The following GRM7 variants were observed in gnomAD, a reference collection of about 807,000 sequenced individuals.
GRM7 encodes metabotropic glutamate receptor 7.
GRM7 carries 35 observed loss-of-function variants against 84.5 expected under a neutral mutation model. The ratio of observed to expected loss-of-function variants is 0.41; its 90% confidence interval spans 0.32 to 0.55. The LOEUF (loss-of-function observed/expected upper bound fraction) is 0.55, where lower values mean the gene tolerates loss of function less well. Among genes scored for constraint, GRM7 ranks in the 20% least tolerant of loss-of-function variants. The pLI is 0.19. For synonymous variants in GRM7, 487 were observed against 455.1 expected, an observed-to-expected ratio of 1.07 and a Z score of -0.89; for missense variants, 1,003 against 1,194.6, an observed-to-expected ratio of 0.84 and a Z score of 2.36.
intron 4 of GRM7, among the ~76,000 whole-genome samples, chr3:7,332,840 C>G (rs1701260976): frequency 6.6e-6 from 1 of 151,856 alleles, no homozygotes; most frequent in African/African-American, 2.4e-5. Context: ...TCTGAACTGC[C>G]TAACCCTGCC....
At chr3:7,316,071 C>T (rs1243605248) in intron 4 of GRM7, among the ~76,000 whole-genome samples, 1 of 152,026 alleles carries the variant, frequency 6.6e-6, no homozygotes, top group African/African-American at 2.4e-5. Flanking sequence ...AAGTATCTAT[C>T]AGGGAAAGAG....
At chr3:7,297,305 T>C (rs918471706) in intron 2 of GRM7, among the ~76,000 whole-genome samples, 1 of 152,202 alleles carries the variant, frequency 6.6e-6, no homozygotes, top group Non-Finnish European at 1.5e-5. Context: ...GAGATATTTT[T>C]ATCTTTCTGT....
rs757996221 is a variant in GRM7 at position 7,151,608 on chromosome 3, A to G, written c.736+4940A>G. Reference sequence around the variant, plus strand: ...GGCAAGGACATTTTCCTGTGTTTCTATTATCTAAGATAATTCCTAGTACAT... The same window carrying G: ...GGCAAGGACATTTTCCTGTGTTTCTGTTATCTAAGATAATTCCTAGTACAT... On this transcript the variant is annotated intron_variant, in intron 2 of 9. Transcript: ENST00000357716. The surrounding 1 kb of genome is among the most constrained non-coding windows in gnomAD (Gnocchi z 4.5). Among the ~76,000 whole-genome samples the G allele has an allele frequency of 6.6e-6, 1 of 152,148 alleles. No homozygotes were observed. The highest frequency in any genetic ancestry group is 2.4e-5 in the African/African-American group (1 of 41,432).
Position 6,913,058 on chromosome 3 carries a change from T to A in GRM7, c.519+51151T>A, listed in dbSNP as rs577863531. Among the ~76,000 whole-genome samples, 51 of 152,280 alleles carry A rather than the reference T, an allele frequency of 3.3e-4. 1 individual carries two copies. The South Asian group carries it at 0.01, about 31-fold the overall frequency. On this transcript the variant is annotated intron_variant, in intron 1 of 9. Transcript: ENST00000357716. ...TCAAACAGGATTCTTCTGGTAAAAA[T>A]TCACTGAAGGAGTTCATCAGTTTTC... is the stretch of plus-strand genomic sequence containing the variant.
At chr3:7,522,713 G>A (rs1700644279) in intron 7 of GRM7, among the ~76,000 whole-genome samples, 1 of 152,184 alleles carries the variant, frequency 6.6e-6, no homozygotes. Flanking sequence ...TCACAGGCTG[G>A]TACGTGGCAG....
intron 1 of GRM7, among the ~76,000 whole-genome samples, chr3:6,930,659 G>A (rs1490849861): frequency 1.3e-5 from 2 of 152,112 alleles, no homozygotes; most frequent in Non-Finnish European, 2.9e-5. Context: ...TTGGCAGACT[G>A]ACTCTGGCTT....
chr3:6,977,740 G>A (rs1215504590), intron 1 of GRM7, among the ~76,000 whole-genome samples: 4 of 152,126 alleles, frequency 2.6e-5, no homozygotes, highest in Admixed American at 6.5e-5. Context: ...TGAAATATAT[G>A]GGTGTTGCCA....
At chr3:7,690,651 C>A (rs182773023) in intron 9 of GRM7, among the ~76,000 whole-genome samples, 1 of 152,240 alleles carries the variant, frequency 6.6e-6, no homozygotes, top group Non-Finnish European at 1.5e-5. Context: ...AAGTTTTATG[C>A]CTATTTTATT....
intron 4 of GRM7, among the ~76,000 whole-genome samples, chr3:7,405,779 G>T (rs1695649413): frequency 1.3e-5 from 2 of 151,910 alleles, no homozygotes; most frequent in African/African-American, 4.8e-5. Context: ...CTTTATAGAT[G>T]TATAAGGAAT....
At chr3:6,950,627 T>C (rs1692711228) in intron 1 of GRM7, among the ~76,000 whole-genome samples, 1 of 152,180 alleles carries the variant, frequency 6.6e-6, no homozygotes. Flanking sequence ...TTGCTGTCTT[T>C]TGTTTGTCTG....
At chr3:7,086,951 T>G (rs2125003858) in intron 1 of GRM7, among the ~76,000 whole-genome samples, 1 of 152,274 alleles carries the variant, frequency 6.6e-6, no homozygotes, top group African/African-American at 2.4e-5. Flanking sequence ...TGTGTAGCTG[T>G]CATTCTCATA....
intron 1 of GRM7, among the ~76,000 whole-genome samples, chr3:7,017,959 A>C (rs1695636484): frequency 6.6e-6 from 1 of 152,222 alleles, no homozygotes; most frequent in Non-Finnish European, 1.5e-5. Context: ...ATTACTTGTA[A>C]GCCAAATAAA....
At chr3:6,886,630 A>G (rs1486051502) in intron 1 of GRM7, among the ~76,000 whole-genome samples, 1 of 152,054 alleles carries the variant, frequency 6.6e-6, no homozygotes, top group Non-Finnish European at 1.5e-5. Context: ...TTTCTGTAAA[A>G]AAATACTAAT....
chr3:7,009,939 A>C (rs756624617), intron 1 of GRM7, among the ~76,000 whole-genome samples: 5 of 152,242 alleles, frequency 3.3e-5, no homozygotes, highest in Non-Finnish European at 7.3e-5. Context: ...ACTCTAGAGT[A>C]CATTTAGCAA....
chr3:7,470,573 A>G (rs1326033889), intron 7 of GRM7, among the ~76,000 whole-genome samples: 1 of 152,198 alleles, frequency 6.6e-6, no homozygotes, highest in Non-Finnish European at 1.5e-5. Context: ...AAACATGTAC[A>G]TTAGAGAGCC....
intron 1 of GRM7, among the ~76,000 whole-genome samples, chr3:6,998,876 AT>A (rs1694916783): frequency 6.6e-6 from 1 of 151,924 alleles, no homozygotes; most frequent in Admixed American, 6.6e-5. Flanking sequence ...CCCTGAAACC[AT>A]TTTTTCCTCC....
chr3:7,435,497 C>T (rs1035953485), intron 5 of GRM7, among the ~76,000 whole-genome samples: 3 of 151,684 alleles, frequency 2.0e-5, no homozygotes, highest in Admixed American at 1.3e-4. Flanking sequence ...TTAGTTTGTC[C>T]TAGAGATTTA....
chr3:7,611,532 G>A (rs1171610635), intron 8 of GRM7, among the ~76,000 whole-genome samples: 2 of 152,156 alleles, frequency 1.3e-5, no homozygotes, highest in East Asian at 3.9e-4. Flanking sequence ...AGAGGCCAGA[G>A]AGAAACAGGG....
intron 1 of GRM7, among the ~76,000 whole-genome samples, chr3:7,091,694 G>A (rs1698669195): frequency 1.6e-5 from 1 of 60,668 alleles, no homozygotes; most frequent in African/African-American, 1.1e-4. Context: ...TTGGAGTAAA[G>A]TCTATATAAA....
Sources: allele counts gnomAD v4.1 joint callset (sites outside exome capture counted in the v4.1 genomes callset), GRCh38; gene constraint gnomAD v4.1.1; non-coding constraint Gnocchi (gnomAD v3.1); transcripts MANE v1.5; gene names NCBI Gene and HGNC (gene_info 2026-07-23, HGNC 2026-07-21).